The following FILIP1 variants were observed in gnomAD, a reference collection of about 807,000 sequenced individuals.
The protein encoded by FILIP1 is filamin A interacting protein 1.
Under a neutral mutation model 102.1 loss-of-function variants are expected in FILIP1, and 61 were observed. The ratio of observed to expected loss-of-function variants is 0.60; its 90% confidence interval spans 0.49 to 0.74. The LOEUF (loss-of-function observed/expected upper bound fraction) is 0.74, where lower values mean the gene tolerates loss of function less well. Among genes scored for constraint, FILIP1 ranks in the 30% least tolerant of loss-of-function variants. FILIP1 has a pLI of 0.00. For synonymous variants in FILIP1, 491 were observed against 526.9 expected, an observed-to-expected ratio of 0.93 and a Z score of 0.93; for missense variants, 1,314 against 1,441.2, an observed-to-expected ratio of 0.91 and a Z score of 1.43.
intron 2 of FILIP1, among the ~76,000 whole-genome samples, chr6:75,396,405 G>T (rs1776462382): frequency 6.6e-6 from 1 of 152,086 alleles, no homozygotes; most frequent in Non-Finnish European, 1.5e-5. Flanking sequence ...TGGTGAGGAT[G>T]CCTGAAGTAA....
intron 4 of FILIP1, among the ~76,000 whole-genome samples, chr6:75,342,833 A>T (rs2149590155): frequency 6.6e-6 from 1 of 152,316 alleles, no homozygotes; most frequent in South Asian, 2.1e-4. Flanking sequence ...AAATCTAGAT[A>T]TTCTTTTAGA....
At chr6:75,299,274 A>C (rs181664442) in intron 6 of FILIP1, among the ~76,000 whole-genome samples, 2 of 152,316 alleles carry the variant, frequency 1.3e-5, no homozygotes, top group African/African-American at 2.4e-5. Context: ...AAAATCAGGT[A>C]TAATTTTTCA....
chr6:75,398,938 A>T (rs1029843623), intron 2 of FILIP1: 2 of 152,168 alleles, frequency 1.3e-5, no homozygotes, highest in Non-Finnish European at 2.9e-5. Flanking sequence ...TGGTGGTTAC[A>T]ATGAAGCAAC....
chr6:75,480,427 G>A (rs1368023072), intron 1 of FILIP1, among the ~76,000 whole-genome samples: 1 of 150,418 alleles, frequency 6.6e-6, no homozygotes, highest in African/African-American at 2.5e-5. Flanking sequence ...TTTTTTAAGA[G>A]ACAGAGTTGC....
In FILIP1 at chr6:75,313,679, C is replaced by T. The variant is rs776854335; in HGVS notation, c.2153G>A (p.Arg718Gln). ...HRFRLEEAKSRDLKAEVQALK... is the reference protein window; with the variant it reads ...HRFRLEEAKSQDLKAEVQALK... ...AGCTTGTACTTCGGCTTTTAAGTCT[C>T]GACTTTTAGCTTCTTCCAACCGAAA... Residue 718 changes from arginine to glutamine, a missense_variant, in exon 5 of 6, where the codon CGA becomes CAA. By Grantham distance (43) the Arg-to-Gln change is conservative (BLOSUM62 1). Around this residue, in one of 3 missense-constraint regions of FILIP1, gnomAD observed 816 missense variants for 913.1 expected, o/e 0.89. Transcript: ENST00000237172. This position sits in a 1 kb window ranked among gnomAD's most constrained non-coding sequence, Gnocchi z 4.2. The T allele has an allele frequency of 3.8e-6, 6 of 1,563,842 alleles. No individual in the cohort carries two copies. The highest frequency in any genetic ancestry group is 1.7e-4 in the Middle Eastern group (1 of 5,776).
intron 2 of FILIP1, among the ~76,000 whole-genome samples, chr6:75,384,003 G>A (rs1775994253): frequency 6.6e-6 from 1 of 152,054 alleles, no homozygotes. Flanking sequence ...AAAGGTCAAG[G>A]AGAATTAAAT....
chr6:75,323,243 G>C (rs1773722897), intron 4 of FILIP1, among the ~76,000 whole-genome samples: 1 of 152,034 alleles, frequency 6.6e-6, no homozygotes, highest in Non-Finnish European at 1.5e-5. Context: ...TGTGAGTTTA[G>C]AATTTAATAG....
intron 1 of FILIP1, among the ~76,000 whole-genome samples, chr6:75,457,231 T>C (rs1362014031): frequency 6.6e-6 from 1 of 152,214 alleles, no homozygotes; most frequent in Non-Finnish European, 1.5e-5. Flanking sequence ...CAGATGAGTC[T>C]GGCTCAAATT....
At chr6:75,375,172 T>C (rs942476285) in intron 2 of FILIP1, among the ~76,000 whole-genome samples, 1 of 152,246 alleles carries the variant, frequency 6.6e-6, no homozygotes, top group African/African-American at 2.4e-5. Context: ...GCCTGAGTCC[T>C]GGGGTGAGGG....
Position 75,315,149 on chromosome 6 carries a change from T to C in FILIP1, c.683A>G (p.Glu228Gly), listed in dbSNP as rs753365729. The change falls in exon 5 of 6, where the codon GAA becomes GGA. Residue 228 changes from glutamate to glycine, a missense_variant. Physicochemically the swap from Glu to Gly is moderately conservative, Grantham distance 98 (BLOSUM62 -2). Transcript: ENST00000237172. ...TAGTTTATTGAGTCGTTTAGCATTT[T>C]CCTTTTCTTTGCGGGCTTGATAAGC... ...EKAYQARKEK[E>G]NAKRLNKLRD... is the part of the protein sequence containing the mutation. 2 of 1,591,970 alleles carry C rather than the reference T, an allele frequency of 1.3e-6. No individual in the cohort carries two copies. Among genetic ancestry groups the C allele is most frequent in the East Asian group, 4.5e-5 (2 of 44,726 alleles).
At chr6:75,440,501 G>T (rs899102319) in intron 1 of FILIP1, among the ~76,000 whole-genome samples, 1 of 152,180 alleles carries the variant, frequency 6.6e-6, no homozygotes, top group Non-Finnish European at 1.5e-5. Flanking sequence ...ACCAGTAAGA[G>T]GGAAATGCTG....
intron 4 of FILIP1, among the ~76,000 whole-genome samples, chr6:75,334,342 C>A (rs781092303): frequency 2.6e-5 from 4 of 152,094 alleles, no homozygotes; most frequent in Non-Finnish European, 2.9e-5. Context: ...TGCATCTTGG[C>A]CAGTTTCAAT....
chr6:75,413,508 G>A (rs1409266164), intron 2 of FILIP1, among the ~76,000 whole-genome samples: 1 of 151,994 alleles, frequency 6.6e-6, no homozygotes, highest in Non-Finnish European at 1.5e-5. Context: ...TTTGTATGTT[G>A]TTTGTTTTTC....
chr6:75,375,526 T>C (rs191307970), intron 2 of FILIP1, among the ~76,000 whole-genome samples: 8 of 152,272 alleles, frequency 5.3e-5, no homozygotes, highest in African/African-American at 1.9e-4. Context: ...TCTGGGGTCT[T>C]CCAAGGCTTA....
intron 4 of FILIP1, among the ~76,000 whole-genome samples, chr6:75,345,729 A>T (rs1458238115): frequency 6.6e-6 from 1 of 151,984 alleles, no homozygotes; most frequent in African/African-American, 2.4e-5. Flanking sequence ...TCCTTTTTGG[A>T]CACCTCTCTC....
At position 75,314,036 on chromosome 6, in the gene FILIP1, C is replaced by A. The variant is rs1204773930; in HGVS notation, c.1796G>T (p.Arg599Ile). 1 of 1,525,832 alleles carries A rather than the reference C, an allele frequency of 6.6e-7. No individual in the cohort carries two copies. The highest frequency in any genetic ancestry group is 2.3e-5 in the Admixed American group (1 of 42,710). The allele number at this position is 1,525,832 out of a possible 1,614,324, so 94.5% of individuals were successfully genotyped here. ...LSCSVDLLKK[R>I]LDGIEEVERE... ...TTCCACTTCCTCTATACCATCAAGT[C>A]TCTTCTTTAGTAAGTCAACACTGCA... Residue 599 changes from arginine (R) to isoleucine (I), a missense_variant, in exon 5 of 6, where the codon AGA (arginine) becomes ATA (isoleucine). Around this residue, in one of 3 missense-constraint regions of FILIP1, gnomAD observed 816 missense variants for 913.1 expected, o/e 0.89. Coordinates refer to ENST00000237172, the MANE Select transcript of FILIP1 (RefSeq NM_015687.5).
chr6:75,352,797 A>G (rs766451858), intron 4 of FILIP1, among the ~76,000 whole-genome samples: 2 of 151,778 alleles, frequency 1.3e-5, no homozygotes, highest in Non-Finnish European at 2.9e-5. Context: ...TTCAAATAGA[A>G]AGCAATTTGT....
In FILIP1 at chr6:75,399,428, C is replaced by G. The variant is rs1181690518; in HGVS notation, c.276+15269G>C. On this transcript the variant is annotated intron_variant, in intron 2 of 5. Transcript: ENST00000237172. ...TGCTCCTCAACTTGGACTGCTAAGA[C>G]AATAGCAGCACATTATTTTACTACC... 5.9e-5 allele frequency: 9 copies of G among 152,300 alleles called. No homozygotes were observed. In the Middle Eastern group the frequency reaches 0.014, roughly 230 times the overall value. 9.4% of individuals were successfully genotyped at this position (152,300 alleles called of 1,614,324 possible). A position where few individuals can be genotyped will look rare whatever the true frequency, so the allele number is the denominator to read the frequency against.
At chr6:75,364,267 G>A (rs1281564756) in intron 2 of FILIP1, among the ~76,000 whole-genome samples, 1 of 152,202 alleles carries the variant, frequency 6.6e-6, no homozygotes, top group African/African-American at 2.4e-5. Context: ...AAGGCAATGT[G>A]TCTCCATGCA....
Sources: allele counts gnomAD v4.1 joint callset (sites outside exome capture counted in the v4.1 genomes callset), GRCh38; gene constraint gnomAD v4.1.1; regional missense constraint gnomAD v4.1.1; non-coding constraint Gnocchi (gnomAD v3.1); transcripts MANE v1.5; gene names NCBI Gene and HGNC (gene_info 2026-07-23, HGNC 2026-07-21).